The following FGF1 variants were observed in gnomAD, a reference collection of about 807,000 sequenced individuals.
FGF1 encodes beta-endothelial cell growth factor.
Under a neutral mutation model 13.4 loss-of-function variants are expected in FGF1, and 9 were observed. That is an observed-to-expected ratio of 0.67 (90% confidence interval 0.40 to 1.17). The LOEUF is 1.17. Among genes scored for constraint, FGF1 ranks in the 50% most tolerant of loss-of-function variants. The pLI is 0.01. For missense variants in FGF1, 156 were observed against 192.7 expected (o/e 0.81, Z 1.13); for synonymous variants, 93 against 79.0 (o/e 1.18, Z -0.94).
chr5:142,674,549 G>T (rs1280681722), intron 1 of FGF1, among the ~76,000 whole-genome samples: 4 of 152,162 alleles, frequency 2.6e-5, no homozygotes, highest in African/African-American at 9.7e-5. Flanking sequence ...CTTTAAAGAG[G>T]CTGGGGGAGA....
At chr5:142,628,351 A>G (rs1421041395) in intron 1 of FGF1, among the ~76,000 whole-genome samples, 3 of 152,212 alleles carry the variant, frequency 2.0e-5, no homozygotes, top group Non-Finnish European at 2.9e-5. Flanking sequence ...TCTACTAAAA[A>G]TACAAAAAAT....
chr5:142,688,258 G>A (rs376644753), upstream of FGF1, among the ~76,000 whole-genome samples: 1 of 152,156 alleles, frequency 6.6e-6, no homozygotes, highest in African/African-American at 2.4e-5. Flanking sequence ...CCGCCAATGT[G>A]GAAATTTTTT....
In FGF1 at chr5:142,618,924, G is replaced by GTTTTTTTT. The variant is rs1187824250; in HGVS notation, c.-34-4764_-34-4763insAAAAAAAA. On this transcript the variant is annotated intron_variant, in intron 1 of 3. Coordinates refer to ENST00000337706, the MANE Select transcript of FGF1 (RefSeq NM_000800.5). Reference sequence around the variant, plus strand: ...AAACACTGACATTTATTTTTTAGTTGTTTTGTTTTTTTTTTTTTTTTTTTT... The same window carrying GTTTTTTTT: ...AAACACTGACATTTATTTTTTAGTTGTTTTTTTTTTTTGTTTTTTTTTTTTTTTTTTTT... 1.3e-3 allele frequency among the ~76,000 whole-genome samples: 105 copies of GTTTTTTTT among 78,304 alleles called. 4 individuals carry two copies. Among genetic ancestry groups the GTTTTTTTT allele is most frequent in the African/African-American group, 4.8e-3 (102 of 21,282 alleles). 51.4% of individuals were successfully genotyped at this position (78,304 alleles called of 152,430 possible).
chr5:142,610,454 A>G (rs17287336), intron 2 of FGF1, among the ~76,000 whole-genome samples: 1,535 of 152,086 alleles, frequency 0.01, 13 homozygotes, highest in Middle Eastern at 0.027. Flanking sequence ...TACGTGAGAC[A>G]CTCCTCAATG....
chr5:142,601,954 G>T (rs561787806), intron 2 of FGF1, among the ~76,000 whole-genome samples: 22 of 152,128 alleles, frequency 1.4e-4, no homozygotes, highest in African/African-American at 5.3e-4. Flanking sequence ...TAGACTCTTC[G>T]GGATAATTTA....
chr5:142,634,487 C>A (rs907109355), intron 1 of FGF1, among the ~76,000 whole-genome samples: 2 of 152,238 alleles, frequency 1.3e-5, no homozygotes, highest in Non-Finnish European at 2.9e-5. Context: ...AGCCTAGATT[C>A]AGGGTAAGAA....
intron 2 of FGF1, among the ~76,000 whole-genome samples, chr5:142,609,430 TA>T (rs988459355): frequency 6.6e-6 from 1 of 152,192 alleles, no homozygotes; most frequent in Non-Finnish European, 1.5e-5. Flanking sequence ...CATTGAGGGA[TA>T]AGTCATGGTC....
At chr5:142,613,600 T>A (rs998908094) in intron 2 of FGF1, among the ~76,000 whole-genome samples, 1 of 152,232 alleles carries the variant, frequency 6.6e-6, no homozygotes, top group Non-Finnish European at 1.5e-5. Context: ...GCCTGTCTGG[T>A]TCATCCCATC....
chr5:142,631,407 C>G (rs1455661362), intron 1 of FGF1, among the ~76,000 whole-genome samples: 2 of 152,158 alleles, frequency 1.3e-5, no homozygotes, highest in Non-Finnish European at 2.9e-5. Context: ...TGTGGAAGGG[C>G]CTTTTTCCTC....
rs913560251 is a variant in FGF1 at position 142,592,671 on chromosome 5, T to C, written c.*2619A>G. The C allele has an allele frequency of 2.6e-5, 10 of 384,822 alleles. No homozygotes were observed. Among genetic ancestry groups the C allele is most frequent in the Non-Finnish European group, 4.1e-5 (9 of 217,750 alleles). The allele number at this position is 384,822 out of a possible 1,614,324, so 23.8% of individuals were successfully genotyped here. ...GAGCAGGGAACTACCAACCTCTTCCTTCTAAGAAGATCTGACAGGCTCTTT... is the reference window on the plus strand; with the variant it reads ...GAGCAGGGAACTACCAACCTCTTCCCTCTAAGAAGATCTGACAGGCTCTTT... On this transcript the variant is annotated 3_prime_UTR_variant, in exon 4 of 4. Transcript: ENST00000337706.
At chr5:142,669,150 T>C (rs10477189) in intron 1 of FGF1, among the ~76,000 whole-genome samples, 49,184 of 152,174 alleles carry the variant, frequency 0.32, 8,562 homozygotes, top group African/African-American at 0.46. Flanking sequence ...TGAATGATGC[T>C]GTTCCAAAGC....
intron 1 of FGF1, among the ~76,000 whole-genome samples, chr5:142,666,421 A>G (rs1770374404): frequency 6.6e-6 from 1 of 152,184 alleles, no homozygotes; most frequent in African/African-American, 2.4e-5. Context: ...GAAATCCAGC[A>G]GCAGTGTGGT....
intron 1 of FGF1, among the ~76,000 whole-genome samples, chr5:142,661,717 G>T (rs1769249925): frequency 6.6e-6 from 1 of 152,104 alleles, no homozygotes; most frequent in South Asian, 2.1e-4. Flanking sequence ...AGTCACAAAA[G>T]ACCACATATT....
At chr5:142,657,298 T>A (rs990335027) in intron 1 of FGF1, among the ~76,000 whole-genome samples, 1 of 152,166 alleles carries the variant, frequency 6.6e-6, no homozygotes, top group African/African-American at 2.4e-5. Context: ...AATCTTTCCC[T>A]TCAGCCCCCA....
intron 1 of FGF1, among the ~76,000 whole-genome samples, chr5:142,645,906 G>GT (rs942224270): frequency 4.3e-4 from 65 of 151,748 alleles, no homozygotes; most frequent in East Asian, 3.3e-3. Context: ...TTGTTTTTTT[G>GT]TTTTTTTTGT....
intron 1 of FGF1, among the ~76,000 whole-genome samples, chr5:142,669,848 G>T (rs1281837020): frequency 2.0e-5 from 3 of 152,092 alleles, no homozygotes; most frequent in Admixed American, 1.3e-4. Context: ...GCCACCCTGG[G>T]GGTCACTCCA....
At chr5:142,663,103 C>A (rs558085744) in intron 1 of FGF1, among the ~76,000 whole-genome samples, 2 of 152,138 alleles carry the variant, frequency 1.3e-5, no homozygotes, top group Admixed American at 1.3e-4. Context: ...GGATTACAGG[C>A]GTGCACAACT....
chr5:142,682,003 T>C (rs9324893), intron 1 of FGF1, among the ~76,000 whole-genome samples: 50,045 of 151,952 alleles, frequency 0.33, 8,960 homozygotes, highest in African/African-American at 0.48. Context: ...CAAGCTACCC[T>C]AGCAGTGGCA....
chr5:142,595,598 G>T (rs764735590), intron 3 of FGF1, 114 bp from the exon 4 acceptor site: 15 of 843,972 alleles, frequency 1.8e-5, no homozygotes, highest in Non-Finnish European at 2.6e-5. Context: ...CCATGCCTCA[G>T]TCTCCTTTTC....
Sources: gnomAD v4.1 joint callset for allele counts (sites outside exome capture counted in the v4.1 genomes callset) on GRCh38, gnomAD v4.1.1 for gene constraint, MANE v1.5 for transcripts, NCBI Gene and HGNC (gene_info 2026-07-23, HGNC 2026-07-21) for gene names.